Variants in KCTD1 observed in about 807,000 individuals in gnomAD.
KCTD1 encodes BTB/POZ domain-containing protein KCTD1.
KCTD1 carries 24 observed loss-of-function variants against 66.0 expected under a neutral mutation model. The ratio of observed to expected loss-of-function variants is 0.36; its 90% CI spans 0.26 to 0.51. The LOEUF is 0.51. KCTD1 is among the 20% of genes least tolerant of loss of function. KCTD1 has a pLI of 0.95. For missense variants in KCTD1, 943 were observed against 1,205.2 expected (o/e 0.78, Z 3.22); for synonymous variants, 511 against 517.2 (o/e 0.99, Z 0.16).
intron 1 of KCTD1, among the ~76,000 whole-genome samples, chr18:26,655,049 CA>C (rs1988103799): frequency 6.6e-6 from 1 of 152,230 alleles, no homozygotes; most frequent in East Asian, 1.9e-4. Context: ...TTAGTTGCCA[CA>C]GATTCCCATA....
intron 1 of KCTD1, among the ~76,000 whole-genome samples, chr18:26,619,597 T>A (rs917916662): frequency 2.0e-5 from 3 of 152,230 alleles, no homozygotes; most frequent in African/African-American, 7.2e-5. Context: ...TCGACAGCTA[T>A]TCAGGTCTCA....
chr18:26,571,443 A>G (rs1476451463), intron 1 of KCTD1, among the ~76,000 whole-genome samples: 1 of 152,214 alleles, frequency 6.6e-6, no homozygotes, highest in Non-Finnish European at 1.5e-5. Context: ...CCAACAGGAT[A>G]TCAAAATCTG....
At chr18:26,572,323 G>A (rs922846747) in intron 1 of KCTD1, among the ~76,000 whole-genome samples, 1 of 152,198 alleles carries the variant, frequency 6.6e-6, no homozygotes, top group African/African-American at 2.4e-5. Context: ...CTCCCAAAGT[G>A]CTGGGATTCA....
At chr18:26,624,949 T>C (rs191201395) in intron 1 of KCTD1, among the ~76,000 whole-genome samples, 189 of 152,308 alleles carry the variant, frequency 1.2e-3, no homozygotes, top group Admixed American at 2.6e-3. Flanking sequence ...ATGACCTGGA[T>C]ATGAGACATG....
chr18:26,639,574 G>A (rs962788985), intron 1 of KCTD1, among the ~76,000 whole-genome samples: 3 of 152,138 alleles, frequency 2.0e-5, no homozygotes, highest in Admixed American at 2.0e-4. Context: ...ACGTTATTGT[G>A]TAACAATACA....
intron 1 of KCTD1, among the ~76,000 whole-genome samples, chr18:26,508,709 TTCTCTC>T (rs201752316): frequency 4.1e-5 from 3 of 72,918 alleles, no homozygotes; most frequent in Admixed American, 1.5e-4. Flanking sequence ...TTAAATATAT[TTCTCTC>T]TCTCTCTCTC....
At chr18:26,648,052 G>A (rs1484052042) in intron 1 of KCTD1, among the ~76,000 whole-genome samples, 3 of 151,956 alleles carry the variant, frequency 2.0e-5, no homozygotes, top group Non-Finnish European at 2.9e-5. Flanking sequence ...CACCATGTTG[G>A]CCAGGCTGGT....
At chr18:26,560,824 G>A (rs1985829601) in intron 1 of KCTD1, among the ~76,000 whole-genome samples, 1 of 152,186 alleles carries the variant, frequency 6.6e-6, no homozygotes, top group Admixed American at 6.5e-5. Flanking sequence ...ATAAGCATGT[G>A]CATCCTCTAT....
intron 1 of KCTD1, among the ~76,000 whole-genome samples, chr18:26,649,582 C>T (rs963943453): frequency 6.6e-6 from 1 of 152,186 alleles, no homozygotes; most frequent in Non-Finnish European, 1.5e-5. Flanking sequence ...AATCTCAGCT[C>T]ACTGCAACCT....
upstream of KCTD1, among the ~76,000 whole-genome samples, chr18:26,632,505 A>G (rs1183268273): frequency 6.6e-6 from 1 of 152,242 alleles, no homozygotes; most frequent in Non-Finnish European, 1.5e-5. Context: ...AAAGGGCAGT[A>G]AATAACTGAA....
At chr18:26,545,271 A>T (rs2144828459) in intron 1 of KCTD1, 1 of 152,336 alleles carries the variant, frequency 6.6e-6, no homozygotes, top group East Asian at 1.9e-4. Flanking sequence ...GTATCAGAAG[A>T]ATATGAACAT....
intron 1 of KCTD1, among the ~76,000 whole-genome samples, chr18:26,507,274 T>C (rs1208456974): frequency 4.6e-5 from 7 of 152,240 alleles, no homozygotes; most frequent in Admixed American, 4.6e-4. Flanking sequence ...TAAACTTTGC[T>C]AGAATTTTTC....
chr18:26,480,316 C>T (rs974966303), intron 2 of KCTD1, among the ~76,000 whole-genome samples: 2 of 152,090 alleles, frequency 1.3e-5, no homozygotes, highest in African/African-American at 2.4e-5. Context: ...TTCTCCTTTC[C>T]ACTGGTTATT....
rs141693796 is a variant in KCTD1 at position 26,654,441 on chromosome 18, C to G, written c.9+2919G>C. 7.7e-3 allele frequency among the ~76,000 whole-genome samples: 1,173 copies of G among 152,216 alleles called. 15 individuals are homozygous for G. Among genetic ancestry groups the G allele is most frequent in the African/African-American group, 0.027 (1,124 of 41,522 alleles). On this transcript the variant is annotated intron_variant, in intron 1 of 4. Coordinates refer to the KCTD1 transcript ENST00000580191. ...AGAGTAAGTTGAATGGTCGGTAAAT[C>G]ACATTACTTAAGTAAATATGAAACA...
intron 1 of KCTD1, among the ~76,000 whole-genome samples, chr18:26,538,332 G>A (rs374889273): frequency 6.6e-6 from 1 of 152,134 alleles, no homozygotes; most frequent in African/African-American, 2.4e-5. Flanking sequence ...AAGGTGTGGA[G>A]TTAAATCCCA....
intron 1 of KCTD1, among the ~76,000 whole-genome samples, chr18:26,588,376 C>T (rs1185812394): frequency 6.6e-6 from 1 of 151,772 alleles, no homozygotes; most frequent in East Asian, 1.9e-4. Flanking sequence ...GACTCACAGA[C>T]TCCCTGGATA....
In KCTD1 at chr18:26,479,473, G is replaced by A. The variant is rs370039054; in HGVS notation, c.1989-2814C>T. Among the ~76,000 whole-genome samples, 9 of 152,354 alleles carry A rather than the reference G, an allele frequency of 5.9e-5. 1 individual carries two copies. The highest frequency in any genetic ancestry group is 2.2e-4 in the African/African-American group (9 of 41,574). On this transcript the variant is annotated intron_variant, in intron 2 of 4. Coordinates refer to ENST00000580059, the MANE Select transcript of KCTD1 (RefSeq NM_001142730.3). ...AGCTCGGCCAGACCCGATGGAAGGGGCTGAAAAACGCGCGCTGCCAGGGCA... is the reference window on the plus strand; with the variant it reads ...AGCTCGGCCAGACCCGATGGAAGGGACTGAAAAACGCGCGCTGCCAGGGCA...
At chr18:26,498,976 C>T (rs2144674131) in intron 2 of KCTD1, among the ~76,000 whole-genome samples, 1 of 152,272 alleles carries the variant, frequency 6.6e-6, no homozygotes, top group Non-Finnish European at 1.5e-5. Context: ...CCAAGTGATA[C>T]CAGGGAGCTT....
At chr18:26,572,360 A>G (rs1477061500) in intron 1 of KCTD1, among the ~76,000 whole-genome samples, 1 of 152,198 alleles carries the variant, frequency 6.6e-6, no homozygotes, top group Non-Finnish European at 1.5e-5. Context: ...GGTTTTAAAA[A>G]TTCTTGGCTG....
Sources: allele counts gnomAD v4.1 joint callset (sites outside exome capture counted in the v4.1 genomes callset), GRCh38; gene constraint gnomAD v4.1.1; transcripts MANE v1.5; gene names NCBI Gene and HGNC (gene_info 2026-07-23, HGNC 2026-07-21).